Variants in TMPRSS12 observed in about 807,000 individuals in gnomAD.
The protein encoded by TMPRSS12 is transmembrane protease serine 12.
In TMPRSS12, 25 loss-of-function variants were observed where a neutral mutation model predicts 26.0. The observed-to-expected ratio is 0.96, with a 90% CI of 0.70 to 1.34. The LOEUF (loss-of-function observed/expected upper bound fraction) is 1.34, where lower values mean the gene tolerates loss of function less well. TMPRSS12 is among the 40% of genes most tolerant of loss of function. TMPRSS12 has a pLI of 0.00. For missense variants in TMPRSS12, 441 were observed against 440.1 expected (o/e 1.00, Z -0.02); for synonymous variants, 150 against 161.7 (o/e 0.93, Z 0.55).
intron 2 of TMPRSS12, among the ~76,000 whole-genome samples, chr12:50,846,320 G>A (rs1186151477): frequency 1.3e-5 from 2 of 152,056 alleles, no homozygotes; most frequent in African/African-American, 2.4e-5. Context: ...TTTTGCATAA[G>A]GTATCAGGTA....
intron 2 of TMPRSS12, among the ~76,000 whole-genome samples, chr12:50,857,265 G>C (rs1245113264): frequency 6.6e-6 from 1 of 152,110 alleles, no homozygotes; most frequent in Admixed American, 6.6e-5. Flanking sequence ...AATTTCTGTG[G>C]TAAATATTTT....
intron 2 of TMPRSS12, among the ~76,000 whole-genome samples, chr12:50,851,587 G>C (rs1464792227): frequency 6.6e-6 from 1 of 152,178 alleles, no homozygotes; most frequent in Admixed American, 6.5e-5. Flanking sequence ...ATCCCTAAAA[G>C]AGGGACAGAG....
Position 50,844,011 on chromosome 12 carries a change from A to T in TMPRSS12, c.357A>T (p.Thr119=), listed in dbSNP as rs372903717. Residue 119 remains threonine (T), a synonymous_variant, in exon 2 of 5, where the codon ACA becomes ACT. Coordinates refer to ENST00000398458, the MANE Select transcript of TMPRSS12 (RefSeq NM_182559.3). ...GTLVRERWVL[T]AAHCTKDASD... ...TAGTGAGAGAGAGGTGGGTCCTCACAGCTGCCCACTGCACTAAAGACGCTA... is the reference window on the plus strand; with the variant it reads ...TAGTGAGAGAGAGGTGGGTCCTCACTGCTGCCCACTGCACTAAAGACGCTA... The T allele has an allele frequency of 1.3e-6, 2 of 1,596,838 alleles. No individual in the cohort carries two copies. The highest frequency in any genetic ancestry group is 2.7e-5 in the African/African-American group (2 of 74,326).
At chr12:50,846,919 T>C (rs1937773651) in intron 2 of TMPRSS12, among the ~76,000 whole-genome samples, 1 of 151,980 alleles carries the variant, frequency 6.6e-6, no homozygotes, top group Non-Finnish European at 1.5e-5. Flanking sequence ...CCCTCCAACT[T>C]TGTTCTTATT....
At chr12:50,843,729 T>C in intron 1 of TMPRSS12, 113 bp from the exon 2 acceptor site, 19 of 1,123,144 alleles carry the variant, frequency 1.7e-5, no homozygotes, top group Non-Finnish European at 2.3e-5. Flanking sequence ...GTATGTTAGC[T>C]TGCTTTGTGT....
chr12:50,884,849 G>A (rs959540931), intron 3 of TMPRSS12, among the ~76,000 whole-genome samples: 2 of 151,038 alleles, frequency 1.3e-5, no homozygotes, highest in South Asian at 2.1e-4. Flanking sequence ...TGCAGCCTGG[G>A]TGACAGAGTG....
intron 2 of TMPRSS12, among the ~76,000 whole-genome samples, chr12:50,854,718 CA>C (rs1453497586): frequency 6.6e-6 from 1 of 151,746 alleles, no homozygotes; most frequent in African/African-American, 2.4e-5. Context: ...TCTCAATAGC[CA>C]AAAAAAGAAT....
At chr12:50,873,674 T>G (rs891714421) in intron 3 of TMPRSS12, among the ~76,000 whole-genome samples, 2 of 152,176 alleles carry the variant, frequency 1.3e-5, no homozygotes, top group Non-Finnish European at 2.9e-5. Flanking sequence ...TGGTAACATA[T>G]CTGGAGAAAA....
chr12:50,855,009 A>T (rs1937862394), intron 2 of TMPRSS12, among the ~76,000 whole-genome samples: 1 of 152,188 alleles, frequency 6.6e-6, no homozygotes, highest in South Asian at 2.1e-4. Context: ...AGCCAAAGGA[A>T]TCCTAAGCAT....
chr12:50,847,333 A>T (rs986149171), intron 2 of TMPRSS12, among the ~76,000 whole-genome samples: 7 of 152,080 alleles, frequency 4.6e-5, no homozygotes, highest in African/African-American at 1.7e-4. Flanking sequence ...CTGGGATTAC[A>T]GGCGTGAGCC....
At chr12:50,881,490 G>A (rs1210289430) in intron 3 of TMPRSS12, among the ~76,000 whole-genome samples, 1 of 151,954 alleles carries the variant, frequency 6.6e-6, no homozygotes, top group Non-Finnish European at 1.5e-5. Context: ...AATGACAAAA[G>A]GGTAAGCTTT....
intron 3 of TMPRSS12, among the ~76,000 whole-genome samples, chr12:50,868,475 A>T (rs913529459): frequency 6.6e-6 from 1 of 152,176 alleles, no homozygotes; most frequent in Admixed American, 6.6e-5. Flanking sequence ...TGCACCTAAC[A>T]CTGGAGTTCC....
intron 2 of TMPRSS12, among the ~76,000 whole-genome samples, chr12:50,846,738 C>T (rs1369617449): frequency 1.3e-5 from 2 of 150,810 alleles, no homozygotes; most frequent in Non-Finnish European, 2.9e-5. Flanking sequence ...ACCACCATGT[C>T]TGACTAATTT....
intron 3 of TMPRSS12, among the ~76,000 whole-genome samples, chr12:50,883,652 G>T (rs1938196506): frequency 6.6e-6 from 1 of 152,084 alleles, no homozygotes; most frequent in Non-Finnish European, 1.5e-5. Context: ...CTCCAGCCTG[G>T]GTGACACAGC....
At chr12:50,874,576 G>A (rs953580548) in intron 3 of TMPRSS12, among the ~76,000 whole-genome samples, 3 of 152,058 alleles carry the variant, frequency 2.0e-5, no homozygotes, top group Admixed American at 2.0e-4. Context: ...TAGCAATTAG[G>A]CAAGAGAAAG....
chr12:50,863,421 T>A (rs12819920), intron 3 of TMPRSS12, among the ~76,000 whole-genome samples: 40,188 of 152,018 alleles, frequency 0.26, 5,978 homozygotes, highest in South Asian at 0.35. Context: ...ATTGTACCCC[T>A]AGATATTTAT....
chr12:50,872,817 G>GTA (rs1555206472), intron 3 of TMPRSS12, among the ~76,000 whole-genome samples: 2 of 11,436 alleles, frequency 1.7e-4, no homozygotes, highest in Non-Finnish European at 4.3e-4. Flanking sequence ...TATATATGAC[G>GTA]TATATATGTA....
At chr12:50,844,367 CTTTA>C (rs1937748173) in intron 2 of TMPRSS12, among the ~76,000 whole-genome samples, 1 of 151,448 alleles carries the variant, frequency 6.6e-6, no homozygotes. Context: ...CCCAGGAATC[CTTTA>C]TTTTTTACTT....
intron 3 of TMPRSS12, among the ~76,000 whole-genome samples, chr12:50,874,404 G>A (rs187871251): frequency 1.2e-3 from 188 of 152,146 alleles, no homozygotes; most frequent in African/African-American, 4.4e-3. Context: ...TGCAAGTTTG[G>A]TTTTACATCT....
Sources: gnomAD v4.1 joint callset for allele counts (sites outside exome capture counted in the v4.1 genomes callset) on GRCh38, gnomAD v4.1.1 for gene constraint, MANE v1.5 for transcripts, NCBI Gene and HGNC (gene_info 2026-07-23, HGNC 2026-07-21) for gene names.